DPYS: variants seen among roughly 807,000 people sequenced by gnomAD.
The protein encoded by DPYS is dihydropyrimidinase.
DPYS carries 39 observed loss-of-function variants against 50.3 expected under a neutral mutation model. The ratio of observed to expected loss-of-function variants is 0.78; its 90% CI spans 0.60 to 1.01. DPYS has a LOEUF of 1.01. Ranked by LOEUF, DPYS falls within the 50% of genes least tolerant of loss-of-function variation. The pLI is 0.00. For missense variants in DPYS, 659 were observed against 680.9 expected, an observed-to-expected ratio of 0.97 and a Z score of 0.36; for synonymous variants, 245 against 250.7, an observed-to-expected ratio of 0.98 and a Z score of 0.22.
At chr8:104,443,760 G>A (rs1813430935) in intron 4 of DPYS, among the ~76,000 whole-genome samples, 1 of 152,276 alleles carries the variant, frequency 6.6e-6, no homozygotes, top group South Asian at 2.1e-4. Context: ...GGGTGTGGTG[G>A]TGCTCACCTG....
chr8:104,402,911 G>A (rs929446327), intron 7 of DPYS, among the ~76,000 whole-genome samples: 1 of 152,128 alleles, frequency 6.6e-6, no homozygotes, highest in Non-Finnish European at 1.5e-5. Context: ...TCACTAAAAT[G>A]CTAATTAGGC....
chr8:104,395,310 T>C (rs1310711513), intron 7 of DPYS, among the ~76,000 whole-genome samples: 5 of 152,244 alleles, frequency 3.3e-5, no homozygotes, highest in African/African-American at 4.8e-5. Context: ...GAAACTTGGA[T>C]CTTTTTATAT....
chr8:104,451,351 T>G lies in DPYS; in HGVS notation c.318A>C (p.Lys106Asn). ...CGAAGGCCTCAATGAGGGAGCCACC[T>G]TTCTGAGGAATGGCGAAATCAATAA... ...TMIIDFAIPQKGGSLIEAFET... is the reference protein window; with the variant it reads ...TMIIDFAIPQNGGSLIEAFET... The change falls in exon 2 of 10, where the codon AAA becomes AAC. Residue 106 changes from lysine (K) to asparagine (N), a missense_variant. Coordinates refer to ENST00000351513, the MANE Select transcript of DPYS (RefSeq NM_001385.3). 6.2e-7 allele frequency: 1 copy of G among 1,614,204 alleles called. No individual in the cohort carries two copies. Among genetic ancestry groups the G allele is most frequent in the Non-Finnish European group, 8.5e-7 (1 of 1,180,028 alleles).
intron 8 of DPYS, among the ~76,000 whole-genome samples, chr8:104,387,084 A>G (rs1448817028): frequency 6.6e-6 from 1 of 152,204 alleles, no homozygotes; most frequent in Non-Finnish European, 1.5e-5. Flanking sequence ...AACAGCAAGC[A>G]GACCAAATGA....
chr8:104,449,053 CTACT>C (rs770384258), intron 2 of DPYS, among the ~76,000 whole-genome samples: 118 of 152,234 alleles, frequency 7.8e-4, no homozygotes, highest in Non-Finnish European at 1.5e-3. Flanking sequence ...AAATTAATTG[CTACT>C]TAATTAATCT....
chr8:104,424,163 T>C (rs1042511443), intron 7 of DPYS, 84 bp downstream of exon 7: 1 of 1,604,736 alleles, frequency 6.2e-7, no homozygotes, highest in African/African-American at 1.3e-5. Flanking sequence ...GAGAAGCGGC[T>C]GATTAATGCC....
chr8:104,411,506 A>T (rs1397797204), intron 7 of DPYS, among the ~76,000 whole-genome samples: 1 of 152,222 alleles, frequency 6.6e-6, no homozygotes, highest in Non-Finnish European at 1.5e-5. Flanking sequence ...ACAGGATGAT[A>T]GTGGAGGGCT....
At chr8:104,387,668 A>G (rs939874061) in intron 8 of DPYS, among the ~76,000 whole-genome samples, 4 of 152,210 alleles carry the variant, frequency 2.6e-5, no homozygotes, top group African/African-American at 9.7e-5. Flanking sequence ...TAATATATGA[A>G]ATAGGAATAT....
At chr8:104,410,184 A>G (rs1447647875) in intron 7 of DPYS, among the ~76,000 whole-genome samples, 1 of 151,996 alleles carries the variant, frequency 6.6e-6, no homozygotes, top group Non-Finnish European at 1.5e-5. Context: ...TCACCAACCT[A>G]AATTAACTCC....
rs1403473087 is a variant in DPYS, at chr8:104,429,253, T to C, written c.950+292A>G. On this transcript the variant is annotated intron_variant, in intron 5 of 9. Transcript: ENST00000351513. ...AACAATATTCTGATAAAAAGTAAGG[T>C]GTAATGAAGAGCCCTGGGTTTGGGC... is the stretch of plus-strand genomic sequence containing the variant. 1.2e-5 allele frequency: 5 copies of C among 410,182 alleles called. No individual in the cohort carries two copies. The Admixed American group carries it at 1.5e-4, about 12-fold the overall frequency. The allele number at this position is 410,182 out of a possible 1,614,324, so 25.4% of individuals were successfully genotyped here. A position where few individuals can be genotyped will look rare whatever the true frequency, so the allele number is the denominator to read the frequency against.
chr8:104,401,104 T>G (rs1320461381), intron 7 of DPYS, among the ~76,000 whole-genome samples: 1 of 152,142 alleles, frequency 6.6e-6, no homozygotes, highest in African/African-American at 2.4e-5. Flanking sequence ...ACTCAGGCAC[T>G]TTGGCCTTGG....
At chr8:104,442,882 C>T (rs1374894650) in intron 4 of DPYS, among the ~76,000 whole-genome samples, 9 of 152,094 alleles carry the variant, frequency 5.9e-5, no homozygotes, top group African/African-American at 9.7e-5. Context: ...GGCAACATGG[C>T]GAGACCCTGT....
chr8:104,441,111 T>G (rs139351726), intron 4 of DPYS, among the ~76,000 whole-genome samples: 175 of 152,308 alleles, frequency 1.1e-3, no homozygotes, highest in African/African-American at 4.0e-3. Context: ...GTAGGAAATC[T>G]TTCAAACTAT....
intron 8 of DPYS, among the ~76,000 whole-genome samples, chr8:104,385,863 C>T (rs1042611251): frequency 1.3e-5 from 2 of 152,220 alleles, no homozygotes; most frequent in Non-Finnish European, 2.9e-5. Flanking sequence ...TCTCTAGATG[C>T]CAGCGCCTCG....
chr8:104,379,960 A>G (rs2140493665), intron 9 of DPYS, 117 bp from the exon 10 acceptor site: 1 of 372,100 alleles, frequency 2.7e-6, no homozygotes, highest in Non-Finnish European at 5.4e-6. Flanking sequence ...CTGCTCCTAT[A>G]AATGTCATTA....
rs114027055 is a variant in DPYS, at chr8:104,382,489, T to G, written c.1444-1175A>C. ...ACCACATCTGAAACCTTAAACTCAC[T>G]AATACCCCACTCTCTGGCCACATCC... On this transcript the variant is annotated intron_variant, in intron 8 of 9. Coordinates refer to ENST00000351513, the MANE Select transcript of DPYS (RefSeq NM_001385.3). Among the ~76,000 whole-genome samples, 1,304 of 151,284 alleles carry G rather than the reference T, an allele frequency of 8.6e-3. 16 individuals are homozygous for G. Among genetic ancestry groups the G allele is most frequent in the African/African-American group, 0.03 (1,229 of 41,184 alleles).
intron 7 of DPYS, among the ~76,000 whole-genome samples, chr8:104,406,536 C>T (rs1226594012): frequency 2.0e-5 from 3 of 152,206 alleles, no homozygotes; most frequent in Non-Finnish European, 4.4e-5. Flanking sequence ...CAGCCACCCA[C>T]ACCACATACC....
intron 7 of DPYS, among the ~76,000 whole-genome samples, chr8:104,415,581 CTT>C (rs756491675): frequency 1.1e-4 from 15 of 141,004 alleles, no homozygotes; most frequent in East Asian, 2.1e-4. Flanking sequence ...ATAGCCCAGA[CTT>C]TTTTTTTTTT....
intron 1 of DPYS, among the ~76,000 whole-genome samples, chr8:104,457,267 G>A (rs954679302): frequency 3.9e-5 from 6 of 152,202 alleles, no homozygotes; most frequent in African/African-American, 1.4e-4. Flanking sequence ...CTAAGTGACT[G>A]ACGGGCAGGG....
Sources: allele counts gnomAD v4.1 joint callset (sites outside exome capture counted in the v4.1 genomes callset), GRCh38; gene constraint gnomAD v4.1.1; transcripts MANE v1.5; gene names NCBI Gene and HGNC (gene_info 2026-07-23, HGNC 2026-07-21).